TMOD1: variants seen among roughly 807,000 people sequenced by gnomAD.
TMOD1 encodes tropomodulin-1.
Under a neutral mutation model 40.6 loss-of-function variants are expected in TMOD1, and 17 were observed. The ratio of observed to expected loss-of-function variants is 0.42; its 90% CI spans 0.29 to 0.63. The LOEUF is 0.63. TMOD1 is among the 20% of genes least tolerant of loss of function. The probability of loss-of-function intolerance (pLI) is 0.22; values close to 1 mark genes in which losing one functional copy is unlikely to be tolerated. For missense variants in TMOD1, 391 were observed against 447.6 expected, an observed-to-expected ratio of 0.87 and a Z score of 1.14; for synonymous variants, 181 against 175.0, an observed-to-expected ratio of 1.03 and a Z score of -0.27.
intron 2 of TMOD1, among the ~76,000 whole-genome samples, chr9:97,541,574 G>A (rs10817732): frequency 0.27 from 41,361 of 150,670 alleles, 6,022 homozygotes; most frequent in African/African-American, 0.36. Context: ...GGAGTCTAGC[G>A]GCGTGATCTC....
chr9:97,515,001 C>T (rs1007684261), intron 1 of TMOD1, among the ~76,000 whole-genome samples: 9 of 152,162 alleles, frequency 5.9e-5, no homozygotes, highest in Admixed American at 2.0e-4. Flanking sequence ...TTGTGCAGTA[C>T]ACGGACACCT....
chr9:97,531,755 A>T (rs1289671548), intron 2 of TMOD1, among the ~76,000 whole-genome samples: 1 of 152,202 alleles, frequency 6.6e-6, no homozygotes, highest in Non-Finnish European at 1.5e-5. Context: ...GTACCGGTAG[A>T]GAAAGCCTGA....
chr9:97,507,260 C>T (rs935151831), intron 1 of TMOD1, among the ~76,000 whole-genome samples: 4 of 152,182 alleles, frequency 2.6e-5, no homozygotes, highest in Admixed American at 2.6e-4. Flanking sequence ...GACATCAAAA[C>T]CACTCAGAAG....
chr9:97,599,036 G>A (rs1241790874), intron 9 of TMOD1, among the ~76,000 whole-genome samples: 1 of 152,044 alleles, frequency 6.6e-6, no homozygotes, highest in Non-Finnish European at 1.5e-5. Flanking sequence ...TTAAGCTAAC[G>A]TCTCCAGCCT....
chr9:97,585,017 AT>A (rs1554685648), intron 8 of TMOD1, among the ~76,000 whole-genome samples: 1 of 152,018 alleles, frequency 6.6e-6, no homozygotes, highest in Non-Finnish European at 1.5e-5. Context: ...TAAAGTTAAT[AT>A]TGTTATGTGT....
At chr9:97,599,093 T>C (rs1194789861) in intron 9 of TMOD1, among the ~76,000 whole-genome samples, 1 of 152,192 alleles carries the variant, frequency 6.6e-6, no homozygotes, top group African/African-American at 2.4e-5. Flanking sequence ...TTAACTACTT[T>C]GTCACTTGAA....
intron 8 of TMOD1, among the ~76,000 whole-genome samples, chr9:97,580,364 T>A (rs560030270): frequency 6.6e-6 from 1 of 152,168 alleles, no homozygotes. Flanking sequence ...CCCAGCACTT[T>A]GGGAGGCCAA....
intron 8 of TMOD1, among the ~76,000 whole-genome samples, chr9:97,572,205 T>C (rs141789831): frequency 6.6e-6 from 1 of 152,256 alleles, no homozygotes; most frequent in Non-Finnish European, 1.5e-5. Flanking sequence ...ATGGAGGCCA[T>C]GGCATCCCAG....
At position 97,557,542 on chromosome 9, in the gene TMOD1, G is replaced by A. The variant is rs1045008040; in HGVS notation, c.397+4142G>A. On this transcript the variant is annotated intron_variant, in intron 4 of 9. Coordinates refer to ENST00000259365, the MANE Select transcript of TMOD1 (RefSeq NM_003275.4). This position sits in a 1 kb window ranked among gnomAD's most constrained non-coding sequence, Gnocchi z 4.4. ...CACCCCCTGGCTTCTGGCTACTTCC[G>A]TGTGCTTAGGCACCTGTCCTGCTAC... 2.6e-5 allele frequency among the ~76,000 whole-genome samples: 4 copies of A among 152,182 alleles called. No homozygotes were observed. The highest frequency in any genetic ancestry group is 1.3e-4 in the Admixed American group (2 of 15,282).
chr9:97,562,505 ACAT>A (rs1385177915), intron 4 of TMOD1, among the ~76,000 whole-genome samples: 1 of 152,228 alleles, frequency 6.6e-6, no homozygotes, highest in Non-Finnish European at 1.5e-5. Context: ...TGCCAGCAGG[ACAT>A]CAGGGAATCA....
intron 8 of TMOD1, among the ~76,000 whole-genome samples, chr9:97,575,027 C>T (rs1587953088): frequency 6.6e-6 from 1 of 152,166 alleles, no homozygotes; most frequent in South Asian, 2.1e-4. Flanking sequence ...AGCAGGCTGC[C>T]GGATAACGCA....
intron 3 of TMOD1, among the ~76,000 whole-genome samples, chr9:97,546,824 G>C (rs1391682628): frequency 6.6e-6 from 1 of 151,318 alleles, no homozygotes; most frequent in Non-Finnish European, 1.5e-5. Context: ...AGCTACTCAG[G>C]AGGCTGAGGC....
At chr9:97,536,810 C>T (rs754488464) in intron 2 of TMOD1, among the ~76,000 whole-genome samples, 1 of 152,160 alleles carries the variant, frequency 6.6e-6, no homozygotes, top group Non-Finnish European at 1.5e-5. Flanking sequence ...AATTCAGTCA[C>T]AGAATAGGAA....
At chr9:97,505,922 C>T (rs1829583654) in intron 1 of TMOD1, among the ~76,000 whole-genome samples, 1 of 152,184 alleles carries the variant, frequency 6.6e-6, no homozygotes, top group Non-Finnish European at 1.5e-5. Flanking sequence ...AAAAGATCTT[C>T]ACCTGCGTCA....
chr9:97,600,970 A>G lies in TMOD1; in HGVS notation c.*1272A>G. ...AGTGATTTCAGCAAATCTCATGATA[A>G]AGGACAAGGTCAAGAACTCCAGAGC... On this transcript the variant is annotated 3_prime_UTR_variant, in exon 10 of 10. Coordinates refer to ENST00000259365, the MANE Select transcript of TMOD1 (RefSeq NM_003275.4). 2 of 1,165,896 alleles carry G rather than the reference A, an allele frequency of 1.7e-6. No homozygotes were observed. The highest frequency in any genetic ancestry group is 3.3e-5 in the African/African-American group (2 of 60,856). 72.2% of individuals were successfully genotyped at this position (1,165,896 alleles called of 1,614,324 possible).
At chr9:97,562,999 A>G (rs1830664065) in intron 5 of TMOD1, among the ~76,000 whole-genome samples, 178 bp downstream of exon 5, 1 of 152,178 alleles carries the variant, frequency 6.6e-6, no homozygotes, top group African/African-American at 2.4e-5. Flanking sequence ...TCCCAGTATT[A>G]TAGAAATGTT....
intron 2 of TMOD1, among the ~76,000 whole-genome samples, chr9:97,535,703 T>C (rs1283859630): frequency 1.3e-5 from 2 of 152,362 alleles, no homozygotes; most frequent in African/African-American, 4.8e-5. Flanking sequence ...TGTCCCCACC[T>C]TGAATACCAG....
intron 9 of TMOD1, among the ~76,000 whole-genome samples, chr9:97,593,528 C>T (rs552181204): frequency 1.4e-3 from 215 of 152,078 alleles, no homozygotes; most frequent in African/African-American, 4.9e-3. Context: ...ATTTTCTGGG[C>T]AACTTTTGTG....
At chr9:97,587,435 C>G (rs559458605) in intron 8 of TMOD1, among the ~76,000 whole-genome samples, 3 of 152,236 alleles carry the variant, frequency 2.0e-5, no homozygotes, top group African/African-American at 7.2e-5. Context: ...GTAGTGATAT[C>G]TCATTGTGAT....
Sources: gnomAD v4.1 joint callset for allele counts (sites outside exome capture counted in the v4.1 genomes callset) on GRCh38, gnomAD v4.1.1 for gene constraint, Gnocchi (gnomAD v3.1) non-coding constraint, MANE v1.5 for transcripts, NCBI Gene and HGNC (gene_info 2026-07-23, HGNC 2026-07-21) for gene names.